The following NCKAP5 variants were observed in gnomAD, a reference collection of about 807,000 sequenced individuals.
NCKAP5 encodes NCK associated protein 5.
In NCKAP5, 92 loss-of-function variants were observed where a neutral mutation model predicts 167.0. The observed-to-expected ratio is 0.55, with a 90% CI of 0.47 to 0.66. The LOEUF (loss-of-function observed/expected upper bound fraction) is 0.66. Among genes scored for constraint, NCKAP5 ranks in the 30% least tolerant of loss-of-function variants. The pLI is 0.00. For synonymous variants in NCKAP5, 891 were observed against 877.4 expected, an observed-to-expected ratio of 1.02 and a Z score of -0.27; for missense variants, 2,378 against 2,315.0, an observed-to-expected ratio of 1.03 and a Z score of -0.56.
chr2:132,855,497 A>G (rs1277051915), intron 11 of NCKAP5, among the ~76,000 whole-genome samples: 12 of 152,206 alleles, frequency 7.9e-5, no homozygotes, highest in Admixed American at 7.8e-4. Context: ...CCACACAAAC[A>G]GCCAAGGGGC....
At chr2:133,493,497 C>T (rs1271807784) in intron 3 of NCKAP5, among the ~76,000 whole-genome samples, 2 of 152,032 alleles carry the variant, frequency 1.3e-5, no homozygotes, top group African/African-American at 2.4e-5. Flanking sequence ...GTAGGTACCA[C>T]GGGAGTAAAG....
intron 2 of NCKAP5, among the ~76,000 whole-genome samples, chr2:133,525,204 G>C (rs1684774045): frequency 6.6e-6 from 1 of 152,198 alleles, no homozygotes; most frequent in Admixed American, 6.5e-5. Flanking sequence ...TAAATTAGTG[G>C]CTGGAAATAG....
intron 6 of NCKAP5, among the ~76,000 whole-genome samples, chr2:133,019,828 A>C (rs1315088097): frequency 6.6e-6 from 1 of 152,248 alleles, no homozygotes; most frequent in African/African-American, 2.4e-5. Context: ...GGCAATAATT[A>C]TTGTTAAAAA....
chr2:133,237,623 C>T (rs1296566551), intron 4 of NCKAP5, among the ~76,000 whole-genome samples: 2 of 152,118 alleles, frequency 1.3e-5, no homozygotes, highest in Non-Finnish European at 2.9e-5. Context: ...GTGAGACACA[C>T]GTGTAAACAA....
intron 3 of NCKAP5, among the ~76,000 whole-genome samples, chr2:133,398,976 T>C (rs1687925729): frequency 6.6e-6 from 1 of 152,024 alleles, no homozygotes; most frequent in Non-Finnish European, 1.5e-5. Flanking sequence ...TCACAGATAA[T>C]GGTGGAAAGC....
chr2:132,786,853 CA>C (rs1194253916), intron 13 of NCKAP5, among the ~76,000 whole-genome samples: 2 of 152,142 alleles, frequency 1.3e-5, no homozygotes, highest in Non-Finnish European at 2.9e-5. Context: ...TGACTCAGTT[CA>C]AAAGTGGCAG....
chr2:132,996,094 C>T (rs2077591440), intron 6 of NCKAP5, among the ~76,000 whole-genome samples: 1 of 152,188 alleles, frequency 6.6e-6, no homozygotes, highest in Non-Finnish European at 1.5e-5. Context: ...AATTTTTCAG[C>T]TCCATTATAG....
rs138967480 is a variant in NCKAP5 at position 133,061,991 on chromosome 2, C to T, written c.342-67752G>A. ...AAAAATGTATCTTAAGTCATGCTTG[C>T]TATGCAGAATATTTTTCAAATCTCT... On this transcript the variant is annotated intron_variant, in intron 6 of 19. Transcript: ENST00000409261. Among the ~76,000 whole-genome samples, 39 of 152,244 alleles carry T rather than the reference C, an allele frequency of 2.6e-4. No individual in the cohort carries two copies. In the East Asian group the frequency reaches 6.4e-3, roughly 25 times the overall value.
At chr2:133,003,203 G>T (rs1262102199) in intron 6 of NCKAP5, among the ~76,000 whole-genome samples, 1 of 152,116 alleles carries the variant, frequency 6.6e-6, no homozygotes, top group African/African-American at 2.4e-5. Context: ...GGGAGAGAGA[G>T]GATAGGACAA....
At position 133,173,785 on chromosome 2, in the gene NCKAP5, T is replaced by C. The variant is rs146199999; in HGVS notation, c.207+39931A>G. 1.7e-3 allele frequency among the ~76,000 whole-genome samples: 265 copies of C among 152,334 alleles called. 1 individual carries two copies. Among genetic ancestry groups the C allele is most frequent in the African/African-American group, 6.2e-3 (256 of 41,574 alleles). ...TTTGACAATATCCACATATGACAGA[T>C]TTACCAAAAATAAAATCTGTTTTTG... On this transcript the variant is annotated intron_variant, in intron 5 of 19. Coordinates refer to ENST00000409261, the MANE Select transcript of NCKAP5 (RefSeq NM_207363.3).
chr2:133,133,206 GCAATAAGTAGAGGA>G (rs1188830455), intron 5 of NCKAP5, among the ~76,000 whole-genome samples: 5 of 152,166 alleles, frequency 3.3e-5, no homozygotes, highest in African/African-American at 9.7e-5. Flanking sequence ...GTACTGAAGA[GCAATAAGTAGAGGA>G]CAATATCCTG....
rs933883228 is a variant in NCKAP5 at position 132,817,085 on chromosome 2, T to C, written c.808-20356A>G. ...CTTAAACAACTTCTTTCTTACTGATTTTACCGAGGACCAAGATAGACTATG... is the reference window on the plus strand; with the variant it reads ...CTTAAACAACTTCTTTCTTACTGATCTTACCGAGGACCAAGATAGACTATG... On this transcript the variant is annotated intron_variant, in intron 11 of 19. Transcript: ENST00000409261. Among the ~76,000 whole-genome samples the C allele has an allele frequency of 2.9e-4, 44 of 152,156 alleles. 1 individual carries two copies. Among genetic ancestry groups the C allele is most frequent in the African/African-American group, 9.7e-4 (40 of 41,434 alleles).
chr2:133,242,364 A>G (rs181894132), intron 4 of NCKAP5, among the ~76,000 whole-genome samples: 2 of 152,230 alleles, frequency 1.3e-5, no homozygotes, highest in East Asian at 3.9e-4. Context: ...AGAAAAGTAA[A>G]AGCAAGAAAG....
intron 6 of NCKAP5, among the ~76,000 whole-genome samples, chr2:133,022,508 G>A (rs189591519): frequency 3.3e-5 from 5 of 152,246 alleles, no homozygotes; most frequent in Non-Finnish European, 7.4e-5. Flanking sequence ...CTCCAGGGGC[G>A]GCTCAGCTGT....
At chr2:133,386,098 T>G (rs928959373) in intron 3 of NCKAP5, among the ~76,000 whole-genome samples, 1 of 152,198 alleles carries the variant, frequency 6.6e-6, no homozygotes, top group Non-Finnish European at 1.5e-5. Flanking sequence ...AGCTTTTGAA[T>G]GTGTTTGCTC....
chr2:133,003,740 G>A (rs1214377552), intron 6 of NCKAP5, among the ~76,000 whole-genome samples: 1 of 152,190 alleles, frequency 6.6e-6, no homozygotes, highest in Non-Finnish European at 1.5e-5. Flanking sequence ...TAACAGCACT[G>A]CACAGAAACC....
In NCKAP5 at chr2:133,426,440, C is replaced by CAA. The variant is rs77474242; in HGVS notation, c.69+91016_69+91017dup. ...CACATTCAGCCTTCTTAAAGTCTTC[C>CAA]AAAAAAAAAAAAAAAAAGACATAGA... On this transcript the variant is annotated intron_variant, in intron 3 of 19. Coordinates refer to ENST00000409261, the MANE Select transcript of NCKAP5 (RefSeq NM_207363.3). Among the ~76,000 whole-genome samples the CAA allele has an allele frequency of 3.1e-3, 223 of 73,050 alleles. 1 individual carries two copies. The highest frequency in any genetic ancestry group is 7.7e-3 in the African/African-American group (185 of 23,958). The allele number at this position is 73,050 out of a possible 152,430, so 47.9% of individuals were successfully genotyped here.
At chr2:133,504,912 C>T (rs1682867158) in intron 3 of NCKAP5, among the ~76,000 whole-genome samples, 1 of 152,124 alleles carries the variant, frequency 6.6e-6, no homozygotes, top group South Asian at 2.1e-4. Context: ...CCCCAGTTCC[C>T]CCCCAAAACT....
intron 5 of NCKAP5, among the ~76,000 whole-genome samples, chr2:133,136,263 T>C (rs185696560): frequency 6.6e-6 from 1 of 152,362 alleles, no homozygotes; most frequent in East Asian, 1.9e-4. Flanking sequence ...TAAATACCTC[T>C]ATTCTAGGTC....
Sources: allele counts gnomAD v4.1 joint callset (sites outside exome capture counted in the v4.1 genomes callset), GRCh38; gene constraint gnomAD v4.1.1; transcripts MANE v1.5; gene names NCBI Gene and HGNC (gene_info 2026-07-23, HGNC 2026-07-21).